RANBP2: variants seen among roughly 807,000 people sequenced by gnomAD.
The protein encoded by RANBP2 is E3 SUMO-protein ligase RanBP2.
RANBP2 carries 57 observed loss-of-function variants against 303.6 expected under a neutral mutation model. The observed-to-expected ratio is 0.19, with a 90% CI of 0.15 to 0.23. RANBP2 has a LOEUF of 0.23. Among genes scored for constraint, RANBP2 ranks in the 10% least tolerant of loss-of-function variants. The pLI is 1.00. For missense variants in RANBP2, 3,138 were observed against 3,780.8 expected, an observed-to-expected ratio of 0.83 and a Z score of 4.46; for synonymous variants, 1,167 against 1,301.5, an observed-to-expected ratio of 0.90 and a Z score of 2.23.
intron 1 of RANBP2, among the ~76,000 whole-genome samples, chr2:108,721,990 G>T (rs532122873): frequency 6.6e-6 from 1 of 150,782 alleles, no homozygotes; most frequent in Non-Finnish European, 1.5e-5. Context: ...CTCCCGCCTT[G>T]GCCCCAAGTG....
At chr2:109,343,800 A>G in the RANBP2 span, among the ~76,000 whole-genome samples, 1 of 150,644 alleles carries the variant, frequency 6.6e-6, no homozygotes, top group Non-Finnish European at 1.5e-5. Context: ...GCTGGAGTGC[A>G]GTGGTACGAT....
At chr2:108,846,517 A>C in the RANBP2 span, among the ~76,000 whole-genome samples, 2 of 127,668 alleles carry the variant, frequency 1.6e-5, no homozygotes, top group African/African-American at 2.8e-5. Flanking sequence ...ATCTCTACCG[A>C]AAAAAAAAAA....
the RANBP2 span, among the ~76,000 whole-genome samples, chr2:109,765,311 C>T: frequency 6.7e-6 from 1 of 148,492 alleles, no homozygotes; most frequent in African/African-American, 2.5e-5. Flanking sequence ...GTAAGTGAAA[C>T]AAGAGCATCA....
At chr2:109,007,551 G>C in the RANBP2 span, among the ~76,000 whole-genome samples, 1 of 152,194 alleles carries the variant, frequency 6.6e-6, no homozygotes, top group African/African-American at 2.4e-5. Flanking sequence ...AGAGTAGCCT[G>C]CCTGGGGCTG....
chr2:109,134,166 G>A, the RANBP2 span, among the ~76,000 whole-genome samples: 2 of 152,184 alleles, frequency 1.3e-5, no homozygotes, highest in African/African-American at 4.8e-5. Context: ...CCAAGTGGCT[G>A]GTATAATTAT....
At chr2:109,022,979 A>G in the RANBP2 span, among the ~76,000 whole-genome samples, 1 of 152,098 alleles carries the variant, frequency 6.6e-6, no homozygotes, top group African/African-American at 2.4e-5. Flanking sequence ...TGAACCTGGG[A>G]GGTGGAGGTT....
chr2:108,786,672 A>AGTCTCCGGGTCGCC, downstream of RANBP2: 1 of 675,022 alleles, frequency 1.5e-6, no homozygotes, highest in South Asian at 1.7e-5. Context: ...GCCGGGCTGC[A>AGTCTCCGGGTCGCC]GTCTCCGGGT....
chr2:108,862,322 G>T, the RANBP2 span, among the ~76,000 whole-genome samples: 1 of 152,264 alleles, frequency 6.6e-6, no homozygotes, highest in South Asian at 2.1e-4. Context: ...ATGTTTCAAA[G>T]CATTGTGTTT....
chr2:109,134,517 G>C, the RANBP2 span, among the ~76,000 whole-genome samples: 1 of 152,196 alleles, frequency 6.6e-6, no homozygotes, highest in African/African-American at 2.4e-5. Flanking sequence ...GTGGGACCAG[G>C]TGTGAATGAA....
At chr2:109,679,208 G>T in the RANBP2 span, among the ~76,000 whole-genome samples, 1 of 152,178 alleles carries the variant, frequency 6.6e-6, no homozygotes, top group Admixed American at 6.5e-5. Context: ...ACCAAGAAAA[G>T]ACCCTGTGTG....
chr2:109,608,474 T>C, the RANBP2 span, among the ~76,000 whole-genome samples: 1 of 152,222 alleles, frequency 6.6e-6, no homozygotes, highest in Non-Finnish European at 1.5e-5. Flanking sequence ...AATCAGAGAA[T>C]AGCCACATTT....
At chr2:109,184,858 C>G in the RANBP2 span, among the ~76,000 whole-genome samples, 1 of 152,238 alleles carries the variant, frequency 6.6e-6, no homozygotes, top group Non-Finnish European at 1.5e-5. Context: ...TGAGCAAAGA[C>G]AGTTTGTCAT....
At chr2:109,455,561 G>A in the RANBP2 span, among the ~76,000 whole-genome samples, 2 of 152,174 alleles carry the variant, frequency 1.3e-5, no homozygotes, top group Non-Finnish European at 2.9e-5. Context: ...TTATATAGGA[G>A]TGTGATTATA....
At chr2:109,339,550 C>T in the RANBP2 span, among the ~76,000 whole-genome samples, 1 of 152,090 alleles carries the variant, frequency 6.6e-6, no homozygotes, top group African/African-American at 2.4e-5. Flanking sequence ...TAGATGGGGC[C>T]GACCAGGCAT....
At chr2:109,635,640 G>A in the RANBP2 span, among the ~76,000 whole-genome samples, 1 of 152,208 alleles carries the variant, frequency 6.6e-6, no homozygotes, top group East Asian at 1.9e-4. Context: ...TGGGTTGTCT[G>A]ACCCTACCTC....
rs753189175 is a variant in RANBP2, at chr2:108,766,502, A to G, written c.5963A>G (p.Asn1988Ser). Residue 1988 changes from asparagine to serine, a missense_variant, in exon 20 of 29, where the codon AAT (asparagine) becomes AGT (serine). By Grantham distance (46) the Asn-to-Ser change is conservative. Around this residue, in one of 20 missense-constraint regions of RANBP2, gnomAD observed 348 missense variants for 360.4 expected, o/e 0.97. Coordinates refer to ENST00000283195, the MANE Select transcript of RANBP2 (RefSeq NM_006267.5). Reference sequence around the variant, plus strand: ...TCATCACAATACGGTAAAATGGCCAATAAAGCAAACACTTCCGGTGACTTT... The same window carrying G: ...TCATCACAATACGGTAAAATGGCCAGTAAAGCAAACACTTCCGGTGACTTT... ...LFSSQYGKMANKANTSGDFEK... is the reference protein window; with the variant it reads ...LFSSQYGKMASKANTSGDFEK... 2.5e-6 allele frequency: 4 copies of G among 1,611,882 alleles called. No homozygotes were observed. The highest frequency in any genetic ancestry group is 2.2e-5 in the South Asian group (2 of 90,990).
the RANBP2 span, among the ~76,000 whole-genome samples, chr2:108,998,556 C>T: frequency 1.3e-5 from 2 of 152,194 alleles, no homozygotes; most frequent in Non-Finnish European, 2.9e-5. Context: ...TCATTTTCAG[C>T]GTCTTCTCTC....
the RANBP2 span, among the ~76,000 whole-genome samples, chr2:109,290,362 G>A: frequency 6.6e-6 from 1 of 152,336 alleles, no homozygotes; most frequent in South Asian, 2.1e-4. Flanking sequence ...AGAGAAATTA[G>A]TGTGATCAGG....
At chr2:108,853,613 A>G in the RANBP2 span, among the ~76,000 whole-genome samples, 3 of 149,964 alleles carry the variant, frequency 2.0e-5, no homozygotes, top group Non-Finnish European at 4.4e-5. Context: ...CACAACCTTG[A>G]ACTCCTGGGC....
Sources: allele counts gnomAD v4.1 joint callset (sites outside exome capture counted in the v4.1 genomes callset), GRCh38; gene constraint gnomAD v4.1.1; regional missense constraint gnomAD v4.1.1; transcripts MANE v1.5; gene names NCBI Gene and HGNC (gene_info 2026-07-23, HGNC 2026-07-21).